DMD: variants seen among roughly 807,000 people sequenced by gnomAD.
DMD encodes mutant dystrophin.
In DMD, 63 loss-of-function variants were observed where a neutral mutation model predicts 330.1. The ratio of observed to expected loss-of-function variants is 0.19; its 90% CI spans 0.16 to 0.24. The LOEUF is 0.24. DMD is among the 10% of genes least tolerant of loss of function. The pLI is 1.00. For missense variants in DMD, 3,344 were observed against 2,684.1 expected (o/e 1.25, Z -5.43); for synonymous variants, 1,223 against 959.8 (o/e 1.27, Z -5.07).
At chrX:33,295,964 T>G (rs1250858376) in intron 1 of DMD, among the ~76,000 whole-genome samples, 1 of 111,549 alleles carries the variant, frequency 9.0e-6, no homozygotes, top group East Asian at 2.8e-4. Flanking sequence ...GACAAACTAT[T>G]TTGTGACAAA....
intron 61 of DMD, among the ~76,000 whole-genome samples, chrX:31,347,208 T>A (rs1178567628): frequency 9.1e-6 from 1 of 110,066 alleles, no homozygotes; most frequent in African/African-American, 3.3e-5. Context: ...GAGGCATCCA[T>A]TACTTTGAGT....
At chrX:32,962,549 G>A (rs916841734) in intron 2 of DMD, among the ~76,000 whole-genome samples, 2 of 111,665 alleles carry the variant, frequency 1.8e-5, no homozygotes, top group African/African-American at 6.5e-5. Flanking sequence ...CTTAACACTA[G>A]GGGAAGCTGA....
intron 43 of DMD, among the ~76,000 whole-genome samples, chrX:32,285,644 T>G (rs2097437381): frequency 9.0e-6 from 1 of 111,651 alleles, no homozygotes; most frequent in African/African-American, 3.3e-5. Flanking sequence ...CAAGCCTGGC[T>G]TTGGATACTG....
intron 55 of DMD, among the ~76,000 whole-genome samples, chrX:31,551,973 T>C (rs1406243526): frequency 8.9e-6 from 1 of 112,362 alleles, no homozygotes; most frequent in Non-Finnish European, 1.9e-5. Flanking sequence ...GGTGCCTAAC[T>C]TTCGACACAT....
At chrX:31,821,706 A>G (rs1409022233) in intron 49 of DMD, among the ~76,000 whole-genome samples, 1 of 112,581 alleles carries the variant, frequency 8.9e-6, no homozygotes, top group African/African-American at 3.2e-5. Flanking sequence ...AGCACTAGTC[A>G]CAAAAGCTTT....
At chrX:33,054,274 T>C (rs1001925645) in intron 1 of DMD, among the ~76,000 whole-genome samples, 16 of 112,253 alleles carry the variant, frequency 1.4e-4, no homozygotes, top group Non-Finnish European at 3.0e-4. Flanking sequence ...CTATAAATTA[T>C]GTCTCTATAC....
intron 57 of DMD, among the ~76,000 whole-genome samples, chrX:31,485,488 A>G (rs1359328628): frequency 9.0e-6 from 1 of 111,616 alleles, no homozygotes; most frequent in African/African-American, 3.3e-5. Flanking sequence ...GAGCCACCAC[A>G]CCTGGCCACT....
At chrX:32,429,387 G>GTTATTTTTTTTTT (rs1191026907) in intron 29 of DMD, among the ~76,000 whole-genome samples, 6 of 44,194 alleles carry the variant, frequency 1.4e-4, no homozygotes, top group African/African-American at 6.6e-4. Flanking sequence ...TTTTTTTTGG[G>GTTATTTTTTTTTT]TTTTTTTTTT....
chrX:33,012,771 G>C (rs1026422326), intron 2 of DMD, among the ~76,000 whole-genome samples: 7 of 111,104 alleles, frequency 6.3e-5, no homozygotes, highest in Non-Finnish European at 1.1e-4. Context: ...ATTTAAAGTA[G>C]GGTAGGCTAA....
At chrX:32,197,089 G>A (rs913555566) in intron 44 of DMD, among the ~76,000 whole-genome samples, 1 of 109,608 alleles carries the variant, frequency 9.1e-6, no homozygotes, top group African/African-American at 3.3e-5. Context: ...GGTTTTAAAT[G>A]CTATTACTTT....
At chrX:32,983,702 G>A (rs905718926) in intron 2 of DMD, among the ~76,000 whole-genome samples, 8 of 110,838 alleles carry the variant, frequency 7.2e-5, no homozygotes, top group African/African-American at 2.3e-4. Flanking sequence ...AGTGTACATA[G>A]GATATCCGTA....
intron 13 of DMD, 96 bp from the exon 14 acceptor site, chrX:32,573,942 C>G: frequency 1.5e-6 from 1 of 657,049 alleles, no homozygotes; most frequent in Non-Finnish European, 2.5e-6. Context: ...ATCTCAGTCT[C>G]CTATGTACGC....
chrX:31,661,700 A>G (rs1221489858), intron 53 of DMD, among the ~76,000 whole-genome samples: 1 of 110,575 alleles, frequency 9.0e-6, no homozygotes, highest in Non-Finnish European at 1.9e-5. Context: ...ATAAAAAAAG[A>G]TTGCCTTTGT....
At position 31,421,936 on chromosome X, in the gene DMD, C is replaced by CACACATATATATATATAT. The variant is rs2063409707; in HGVS notation, c.9084+22544_9084+22545insATATATATATATATGTGT. 1.6e-4 allele frequency among the ~76,000 whole-genome samples: 9 copies of CACACATATATATATATAT among 55,738 alleles called. 1 individual carries two copies. The highest frequency in any genetic ancestry group is 1.3e-3 in the Admixed American group (7 of 5,209). The allele number at this position is 55,738 out of a possible 115,157, so 48.4% of individuals were successfully genotyped here. A position where few individuals can be genotyped will look rare whatever the true frequency, so the allele number is the denominator to read the frequency against. ...ACACATATATATATATATATATACA[C>CACACATATATATATATAT]ACACACATATATATATATATATACA... On this transcript the variant is annotated intron_variant, in intron 60 of 78. Transcript: ENST00000357033.
At chrX:32,996,297 G>A (rs1401665966) in intron 2 of DMD, among the ~76,000 whole-genome samples, 1 of 111,319 alleles carries the variant, frequency 9.0e-6, no homozygotes, top group African/African-American at 3.3e-5. Context: ...AATCAAAGGT[G>A]GATGGTAAAT....
chrX:33,146,084 C>T (rs771701818), intron 1 of DMD, among the ~76,000 whole-genome samples: 241 of 110,060 alleles, frequency 2.2e-3, no homozygotes, highest in Non-Finnish European at 3.0e-3. Context: ...TCAGTAGAGA[C>T]GGGATTTCAC....
At chrX:32,635,470 T>C (rs994329039) in intron 11 of DMD, among the ~76,000 whole-genome samples, 1 of 111,942 alleles carries the variant, frequency 8.9e-6, no homozygotes, top group South Asian at 3.7e-4. Context: ...TTCCCTCAAA[T>C]ATATGGTGAC....
rs1190446358 is a variant in DMD at position 31,321,583 on chromosome X, C to CAAAAAAAAAAAAA, written c.9224+2002_9224+2014dup. Reference sequence around the variant, plus strand: ...TGGGCAACAGAGTGAAACTCCATCTCAAAAAAAAAAAAAAAAAAAAAAAAA... The same window carrying CAAAAAAAAAAAAA: ...TGGGCAACAGAGTGAAACTCCATCTCAAAAAAAAAAAAAAAAAAAAAAAAAAAAAAAAAAAAAA... On this transcript the variant is annotated intron_variant, in intron 62 of 78. Transcript: ENST00000357033. Among the ~76,000 whole-genome samples, 37 of 10,462 alleles carry CAAAAAAAAAAAAA rather than the reference C, an allele frequency of 3.5e-3. 1 individual carries two copies. Among genetic ancestry groups the CAAAAAAAAAAAAA allele is most frequent in the East Asian group, 4.0e-3 (1 of 247 alleles). 9.1% of individuals were successfully genotyped at this position (10,462 alleles called of 115,157 possible).
intron 76 of DMD, among the ~76,000 whole-genome samples, chrX:31,138,648 AGAGAGAGAGAGAGAGAG>A: frequency 2.6e-5 from 2 of 76,465 alleles, no homozygotes; most frequent in Non-Finnish European, 5.0e-5. Context: ...AGAGAGAGAG[AGAGAGAGAGAGAGAGAG>A]AGAGAGAGAG....
Sources: allele counts gnomAD v4.1 joint callset (sites outside exome capture counted in the v4.1 genomes callset), GRCh38; gene constraint gnomAD v4.1.1; transcripts MANE v1.5; gene names NCBI Gene and HGNC (gene_info 2026-07-23, HGNC 2026-07-21).